The following MTSS1 variants were observed in gnomAD, a reference collection of about 807,000 sequenced individuals.
The protein encoded by MTSS1 is protein MTSS 1.
In MTSS1, 18 loss-of-function variants were observed where a neutral mutation model predicts 79.0. The observed-to-expected ratio is 0.23, with a 90% confidence interval of 0.16 to 0.34. The LOEUF is 0.34. MTSS1 is among the 10% of genes least tolerant of loss of function. MTSS1 has a pLI of 1.00. For missense variants in MTSS1, 815 were observed against 986.2 expected, an observed-to-expected ratio of 0.83 and a Z score of 2.33; for synonymous variants, 341 against 368.6, an observed-to-expected ratio of 0.93 and a Z score of 0.86.
In MTSS1 at chr8:124,658,687, C is replaced by A. The variant is rs1587639224; in HGVS notation, c.208+40839G>T. On this transcript the variant is annotated intron_variant, in intron 3 of 13. Transcript: ENST00000518547. ...GAGGGAGAGACAGAAGGGGGAGGTG[C>A]CACACACTTCTAAACAACCAGAGCT... 2.0e-5 allele frequency among the ~76,000 whole-genome samples: 3 copies of A among 152,064 alleles called. No homozygotes were observed. The South Asian group carries it at 6.2e-4, about 32-fold the overall frequency.
chr8:124,559,553 C>T (rs1056792272), intron 10 of MTSS1, among the ~76,000 whole-genome samples: 6 of 152,272 alleles, frequency 3.9e-5, no homozygotes, highest in Admixed American at 2.0e-4. Flanking sequence ...GGGAAACCAT[C>T]GCTTTACACT....
In MTSS1 at chr8:124,597,891, G is replaced by T. The variant is rs1833041603; in HGVS notation, c.209-6656C>A. Among the ~76,000 whole-genome samples the T allele has an allele frequency of 6.6e-6, 1 of 152,210 alleles. No individual in the cohort carries two copies. The highest frequency in any genetic ancestry group is 2.4e-5 in the African/African-American group (1 of 41,454). ...GCTCTCAGGCATCTCTGCAGGAGAG[G>T]GGTGCAGGGCAGGAGAGTTCACTAG... On this transcript the variant is annotated intron_variant, in intron 3 of 13. Transcript: ENST00000518547. The surrounding 1 kb of genome is among the most constrained non-coding windows in gnomAD (Gnocchi z 4.6).
intron 1 of MTSS1, among the ~76,000 whole-genome samples, chr8:124,711,698 C>T (rs532489899): frequency 6.6e-6 from 1 of 152,162 alleles, no homozygotes; most frequent in East Asian, 1.9e-4. Context: ...GGTCAGGACC[C>T]CCAACCACAT....
chr8:124,676,977 G>A (rs1034621109), intron 3 of MTSS1, among the ~76,000 whole-genome samples: 1 of 152,110 alleles, frequency 6.6e-6, no homozygotes, highest in South Asian at 2.1e-4. Flanking sequence ...TGTTCCCCAT[G>A]TGATGCAAAA....
chr8:124,724,505 C>T (rs6993178), intron 1 of MTSS1, among the ~76,000 whole-genome samples: 106,211 of 152,050 alleles, frequency 0.7, 37,518 homozygotes, highest in Admixed American at 0.79. Flanking sequence ...AAGTTCTCCC[C>T]GCAGCAGGCC....
chr8:124,706,179 C>A (rs527643612), intron 1 of MTSS1, among the ~76,000 whole-genome samples: 41 of 151,218 alleles, frequency 2.7e-4, no homozygotes, highest in Non-Finnish European at 2.9e-4. Flanking sequence ...TTATATACTT[C>A]CCTAGCTGTC....
At chr8:124,707,050 G>A (rs1386018171) in intron 1 of MTSS1, among the ~76,000 whole-genome samples, 1 of 152,018 alleles carries the variant, frequency 6.6e-6, no homozygotes, top group African/African-American at 2.4e-5. Context: ...TTCTCTTTCT[G>A]AGCCACAAGA....
intron 3 of MTSS1, among the ~76,000 whole-genome samples, chr8:124,594,253 G>A (rs1832362199): frequency 6.6e-6 from 1 of 152,166 alleles, no homozygotes; most frequent in East Asian, 1.9e-4. Flanking sequence ...TGAACTGGCC[G>A]GGCTCAGTGG....
intron 9 of MTSS1, among the ~76,000 whole-genome samples, chr8:124,564,445 C>T (rs938819802): frequency 6.6e-6 from 1 of 152,032 alleles, no homozygotes; most frequent in African/African-American, 2.4e-5. Context: ...TGGAGGAAAT[C>T]GCTGCAGTGA....
intron 3 of MTSS1, among the ~76,000 whole-genome samples, chr8:124,594,323 G>T (rs1416344517): frequency 6.6e-6 from 1 of 152,314 alleles, no homozygotes; most frequent in Middle Eastern, 3.4e-3. Flanking sequence ...CTGAGGTCAG[G>T]AGTTCGAGAC....
Position 124,585,272 on chromosome 8 carries a change from G to A in MTSS1, c.386-111C>T, listed in dbSNP as rs1423896745. On this transcript the variant is annotated intron_variant, in intron 5 of 13. Transcript: ENST00000518547. ...CAGAAAGCATAAACTGTGACATGCC[G>A]TCAATGGCTTTATCAGAATACAATA... is the stretch of plus-strand genomic sequence containing the variant. The A allele has an allele frequency of 1.6e-5, 12 of 762,876 alleles. 1 individual carries two copies. Among genetic ancestry groups the A allele is most frequent in the African/African-American group, 7.0e-5 (4 of 57,284 alleles). 47.3% of individuals were successfully genotyped at this position (762,876 alleles called of 1,614,324 possible). A position where few individuals can be genotyped will look rare whatever the true frequency, so the allele number is the denominator to read the frequency against.
intron 6 of MTSS1, among the ~76,000 whole-genome samples, chr8:124,571,943 G>A (rs539637378): frequency 3.3e-5 from 5 of 152,186 alleles, no homozygotes; most frequent in East Asian, 1.9e-4. Context: ...CAGCCTGGGC[G>A]ACAGAGCAAG....
intron 11 of MTSS1, 119 bp from the exon 12 acceptor site, chr8:124,556,524 G>A: frequency 8.6e-7 from 1 of 1,161,132 alleles, no homozygotes; most frequent in Non-Finnish European, 1.2e-6. Flanking sequence ...ACCTCCGGCT[G>A]GGACAAGCCA....
intron 3 of MTSS1, among the ~76,000 whole-genome samples, chr8:124,607,923 A>C (rs971551468): frequency 2.0e-5 from 3 of 152,200 alleles, no homozygotes; most frequent in African/African-American, 7.2e-5. Flanking sequence ...TCGGTAAATA[A>C]GATTTTACAA....
At chr8:124,685,154 C>A (rs1479305795) in intron 3 of MTSS1, among the ~76,000 whole-genome samples, 7 of 114,010 alleles carry the variant, frequency 6.1e-5, no homozygotes, top group Admixed American at 2.7e-4. Flanking sequence ...ACCATCACCA[C>A]CTCCATCTCC....
At chr8:124,636,174 G>A (rs1816955051) in intron 3 of MTSS1, among the ~76,000 whole-genome samples, 1 of 152,162 alleles carries the variant, frequency 6.6e-6, no homozygotes, top group Non-Finnish European at 1.5e-5. Flanking sequence ...CTGTCGCCCA[G>A]GCTGGAGTGC....
At chr8:124,665,193 G>A (rs1351843964) in intron 3 of MTSS1, among the ~76,000 whole-genome samples, 1 of 152,192 alleles carries the variant, frequency 6.6e-6, no homozygotes, top group East Asian at 1.9e-4. Context: ...AAGCAGGGCT[G>A]CCTTCCAATG....
At chr8:124,599,358 C>T (rs1422091609) in intron 3 of MTSS1, among the ~76,000 whole-genome samples, 1 of 151,894 alleles carries the variant, frequency 6.6e-6, no homozygotes, top group East Asian at 1.9e-4. Context: ...TGGTGGGTGC[C>T]TGTAATCCCG....
intron 3 of MTSS1, among the ~76,000 whole-genome samples, chr8:124,669,318 G>C (rs1186340766): frequency 1.3e-5 from 2 of 152,238 alleles, no homozygotes; most frequent in African/African-American, 4.8e-5. Context: ...CGCTGAGATA[G>C]TGTGACAAAT....
Sources: gnomAD v4.1 joint callset for allele counts (sites outside exome capture counted in the v4.1 genomes callset) on GRCh38, gnomAD v4.1.1 for gene constraint, Gnocchi (gnomAD v3.1) non-coding constraint, MANE v1.5 for transcripts, NCBI Gene and HGNC (gene_info 2026-07-23, HGNC 2026-07-21) for gene names.